Variants in TENM1 observed in about 807,000 individuals in gnomAD.
TENM1 encodes teneurin transmembrane protein 1.
Under a neutral mutation model 174.8 loss-of-function variants are expected in TENM1, and 35 were observed. That is an observed-to-expected ratio of 0.20 (90% confidence interval 0.15 to 0.27). The LOEUF is 0.27. Among genes scored for constraint, TENM1 ranks in the 10% least tolerant of loss-of-function variants. TENM1 has a pLI of 1.00. For missense variants in TENM1, 1,633 were observed against 2,130.1 expected, an observed-to-expected ratio of 0.77 and a Z score of 4.59; for synonymous variants, 781 against 798.7, an observed-to-expected ratio of 0.98 and a Z score of 0.37.
intron 28 of TENM1, among the ~76,000 whole-genome samples, chrX:124,386,748 G>A (rs6649212): frequency 2.8e-5 from 3 of 108,338 alleles, no homozygotes; most frequent in Non-Finnish European, 5.7e-5. Flanking sequence ...AGGGTCTCAC[G>A]GTGTTGCCCA....
intron 23 of TENM1, among the ~76,000 whole-genome samples, chrX:124,430,572 C>G (rs1305602495): frequency 2.7e-5 from 3 of 112,246 alleles, no homozygotes; most frequent in African/African-American, 9.7e-5. Flanking sequence ...TAGAGGCTAG[C>G]TATTTTTGAA....
chrX:124,990,025 C>T, the TENM1 span, among the ~76,000 whole-genome samples: 2 of 111,355 alleles, frequency 1.8e-5, no homozygotes, highest in Admixed American at 9.6e-5. Flanking sequence ...TGACTATGTG[C>T]GTATGTCTCA....
chrX:124,892,625 C>T (rs1285183514), intron 3 of TENM1, among the ~76,000 whole-genome samples: 1 of 111,703 alleles, frequency 9.0e-6, no homozygotes, highest in Non-Finnish European at 1.9e-5. Flanking sequence ...GACAATTCAC[C>T]TAAATTAACA....
intron 3 of TENM1, among the ~76,000 whole-genome samples, chrX:124,868,868 G>T (rs1027913417): frequency 9.9e-5 from 11 of 110,775 alleles, no homozygotes; most frequent in Admixed American, 8.7e-4. Context: ...TGGCAAGCAG[G>T]CATATGAAAA....
intron 19 of TENM1, 88 bp downstream of exon 22, chrX:124,503,472 A>G (rs1017487167): frequency 1.0e-5 from 9 of 875,142 alleles, no homozygotes; most frequent in Non-Finnish European, 1.3e-5. Context: ...AGTAATTTTT[A>G]TCTTGTACTT....
intron 28 of TENM1, among the ~76,000 whole-genome samples, chrX:124,391,062 G>A (rs1410314769): frequency 1.8e-5 from 2 of 111,522 alleles, no homozygotes; most frequent in African/African-American, 6.5e-5. Flanking sequence ...CTAGTAACAT[G>A]GTTTGATAAT....
chrX:125,173,585 C>A, the TENM1 span, among the ~76,000 whole-genome samples: 1 of 111,265 alleles, frequency 9.0e-6, no homozygotes, highest in Non-Finnish European at 1.9e-5. Context: ...CCCTGATTGT[C>A]CTTTTAAAGC....
At chrX:124,695,401 A>G (rs139815565) in intron 5 of TENM1, among the ~76,000 whole-genome samples, 1,169 of 111,011 alleles carry the variant, frequency 0.011, 16 homozygotes, top group African/African-American at 0.037. Flanking sequence ...TTTTGTTAGG[A>G]AGTAGAAGAC....
intron 3 of TENM1, among the ~76,000 whole-genome samples, chrX:124,787,430 C>G (rs1380510083): frequency 9.4e-6 from 1 of 106,092 alleles, no homozygotes; most frequent in Non-Finnish European, 1.9e-5. Flanking sequence ...TTGATTTGGG[C>G]CCCTTTCCTT....
intron 3 of TENM1, among the ~76,000 whole-genome samples, chrX:124,793,151 G>A (rs975080980): frequency 9.0e-6 from 1 of 111,491 alleles, no homozygotes; most frequent in Non-Finnish European, 1.9e-5. Context: ...TTCCTCATGG[G>A]AGGAAGTCTG....
the TENM1 span, among the ~76,000 whole-genome samples, chrX:125,108,575 G>A: frequency 2.6e-4 from 28 of 109,305 alleles, no homozygotes; most frequent in South Asian, 6.9e-3. Context: ...ACAAAAATTC[G>A]CTGGGCATGG....
At position 124,664,532 on chromosome X, in the gene TENM1, GAAAAAAAAAAAAA is replaced by G. The variant is rs779501054; in HGVS notation, c.1168+7138_1168+7150del. The stretch of plus-strand genomic sequence containing the variant: ...CATTTATGTCTCAGATAAAGCAAAA[GAAAAAAAAAAAAA>G]AAAAAAAAAAAGCAAAACACACACA... On this transcript the variant is annotated intron_variant, in intron 6 of 31. Transcript: ENST00000422452. Among the ~76,000 whole-genome samples the G allele has an allele frequency of 2.7e-4, 8 of 29,264 alleles. No homozygotes were observed. In the South Asian group the frequency reaches 9.1e-3, roughly 33 times the overall value. 25.4% of individuals were successfully genotyped at this position (29,264 alleles called of 115,157 possible). A position where few individuals can be genotyped will look rare whatever the true frequency, so the allele number is the denominator to read the frequency against.
intron 3 of TENM1, among the ~76,000 whole-genome samples, chrX:124,807,878 TACACACACACACACACAC>T (rs151254866): frequency 1.2e-5 from 1 of 85,178 alleles, no homozygotes; most frequent in East Asian, 3.9e-4. Context: ...GAAAATCACT[TACACACACACACACACAC>T]ACACACACAC....
At chrX:124,400,482 T>G (rs1300383252) in intron 27 of TENM1, among the ~76,000 whole-genome samples, 1 of 112,447 alleles carries the variant, frequency 8.9e-6, no homozygotes, top group Non-Finnish European at 1.9e-5. Flanking sequence ...AGGAAAAAAG[T>G]AAATTGGGAG....
chrX:124,390,962 T>C (rs1318429246), intron 28 of TENM1, among the ~76,000 whole-genome samples: 1 of 112,235 alleles, frequency 8.9e-6, no homozygotes, highest in Non-Finnish European at 1.9e-5. Flanking sequence ...ACCAAAGGAC[T>C]CCTTCCTTTT....
chrX:125,109,047 C>G, the TENM1 span, among the ~76,000 whole-genome samples: 1 of 111,194 alleles, frequency 9.0e-6, no homozygotes, highest in Non-Finnish European at 1.9e-5. Context: ...TCCTCCCTTT[C>G]TTTCCATTAC....
At chrX:125,202,653 C>A in the TENM1 span, among the ~76,000 whole-genome samples, 1 of 107,853 alleles carries the variant, frequency 9.3e-6, no homozygotes, top group Non-Finnish European at 1.9e-5. Flanking sequence ...CAGCCCCCGC[C>A]CCCGCCCCTA....
intron 22 of TENM1, among the ~76,000 whole-genome samples, chrX:124,454,705 G>A (rs1278586897): frequency 9.0e-6 from 1 of 111,696 alleles, no homozygotes; most frequent in Non-Finnish European, 1.9e-5. Context: ...CCTGGCCCTA[G>A]GTCGTTATAT....
At chrX:124,723,563 G>C (rs1342226824) in intron 4 of TENM1, among the ~76,000 whole-genome samples, 1 of 105,994 alleles carries the variant, frequency 9.4e-6, no homozygotes, top group Non-Finnish European at 1.9e-5. Flanking sequence ...CGTCCATCAT[G>C]AGCTCTGGAA....
Sources: gnomAD v4.1 joint callset for allele counts (sites outside exome capture counted in the v4.1 genomes callset) on GRCh38, gnomAD v4.1.1 for gene constraint, MANE v1.5 for transcripts, NCBI Gene and HGNC (gene_info 2026-07-23, HGNC 2026-07-21) for gene names.